Variants in DISC1 observed in about 807,000 individuals in gnomAD.
DISC1 encodes DISC1 scaffold protein.
DISC1 carries 57 observed loss-of-function variants against 84.5 expected under a neutral mutation model. The observed-to-expected ratio is 0.67, with a 90% CI of 0.55 to 0.84. The LOEUF is 0.84. Among genes scored for constraint, DISC1 ranks in the 40% least tolerant of loss-of-function variants. DISC1 has a pLI of 0.00. For synonymous variants in DISC1, 411 were observed against 415.2 expected (o/e 0.99, Z 0.12); for missense variants, 1,000 against 1,057.8 (o/e 0.95, Z 0.76).
In DISC1 at chr1:231,949,163, C is replaced by T. The variant is rs182040414; in HGVS notation, c.1982-9665C>T. Among the ~76,000 whole-genome samples, 155 of 152,236 alleles carry T rather than the reference C, an allele frequency of 1.0e-3. 3 individuals carry two copies. Among genetic ancestry groups the T allele is most frequent in the African/African-American group, 3.6e-3 (151 of 41,544 alleles). ...GATTACAGGCGTGAGCCACCGTGCCCGGCCTTCCTGTGTTAATTTTTTACA... is the reference window on the plus strand; with the variant it reads ...GATTACAGGCGTGAGCCACCGTGCCTGGCCTTCCTGTGTTAATTTTTTACA... On this transcript the variant is annotated intron_variant, in intron 9 of 12. Transcript: ENST00000439617.
intron 12 of DISC1, among the ~76,000 whole-genome samples, chr1:232,033,835 A>G (rs1256438619): frequency 6.6e-6 from 1 of 152,234 alleles, no homozygotes; most frequent in Non-Finnish European, 1.5e-5. Flanking sequence ...ATATCACAGA[A>G]GTATGGAAAA....
intron 9 of DISC1, among the ~76,000 whole-genome samples, chr1:231,886,779 C>T (rs1475810107): frequency 3.8e-5 from 4 of 106,288 alleles, no homozygotes; most frequent in African/African-American, 1.4e-4. Context: ...TTCTTTCTTT[C>T]TTTCTTTCTT....
At chr1:231,655,068 C>A (rs1019197061) in intron 1 of DISC1, among the ~76,000 whole-genome samples, 1 of 152,156 alleles carries the variant, frequency 6.6e-6, no homozygotes, top group Non-Finnish European at 1.5e-5. Context: ...GGACTCTATT[C>A]CCTTTCATTT....
At position 231,816,939 on chromosome 1, in the gene DISC1, C is replaced by T. The variant is rs74431197; in HGVS notation, c.1793-1390C>T. On this transcript the variant is annotated intron_variant, in intron 8 of 12. Transcript: ENST00000439617. ...CTTCTCCTTCCTTCCCTCCCTCCCT[C>T]TTTCACCTCCTCCTCCTCCTTCTTC... Among the ~76,000 whole-genome samples, 81 of 152,074 alleles carry T rather than the reference C, an allele frequency of 5.3e-4. No individual in the cohort carries two copies. The East Asian group carries it at 0.014, about 27-fold the overall frequency.
In DISC1 at chr1:232,039,023, T is replaced by C. The variant is rs1209101851; in HGVS notation, c.*2192T>C. ...CAATATGTGAATGTGCTGATTGTGT[T>C]CCCTATGGCTTTATCTCGAGCAAAA... On this transcript the variant is annotated 3_prime_UTR_variant, in exon 13 of 13. Coordinates refer to ENST00000439617, the MANE Select transcript of DISC1 (RefSeq NM_018662.3). 2 of 152,232 alleles carry C rather than the reference T, an allele frequency of 1.3e-5. No homozygotes were observed. The highest frequency in any genetic ancestry group is 1.3e-4 in the Admixed American group (2 of 15,292). 9.4% of individuals were successfully genotyped at this position (152,232 alleles called of 1,614,324 possible).
At chr1:232,001,203 T>A (rs2102964308) in intron 10 of DISC1, among the ~76,000 whole-genome samples, 1 of 152,268 alleles carries the variant, frequency 6.6e-6, no homozygotes, top group East Asian at 1.9e-4. Context: ...CTCAGCCTCC[T>A]GAGTAGCTGG....
intron 3 of DISC1, among the ~76,000 whole-genome samples, chr1:231,713,781 T>G (rs955160086): frequency 7.0e-5 from 10 of 143,822 alleles, no homozygotes; most frequent in Admixed American, 4.2e-4. Context: ...ATATAGGAGA[T>G]ATATATATAG....
chr1:231,884,432 C>CT (rs1473452206), intron 9 of DISC1, among the ~76,000 whole-genome samples: 2 of 152,216 alleles, frequency 1.3e-5, no homozygotes, highest in East Asian at 1.9e-4. Flanking sequence ...TGATTTCCTT[C>CT]TTTTTTTGTG....
At position 231,738,947 on chromosome 1, in the gene DISC1, A is replaced by G. The variant is rs577325578; in HGVS notation, c.1118-10979A>G. ...CTTCTTAATTTTTTTGTACAACAGG[A>G]TGCTGTAGACACATCTGTACTGCCC... On this transcript the variant is annotated intron_variant, in intron 3 of 12. Transcript: ENST00000439617. Among the ~76,000 whole-genome samples the G allele has an allele frequency of 4.6e-5, 7 of 152,226 alleles. No homozygotes were observed. In the South Asian group the frequency reaches 6.2e-4, roughly 14 times the overall value.
chr1:231,679,004 C>A (rs1273641565), intron 1 of DISC1, among the ~76,000 whole-genome samples: 1 of 152,306 alleles, frequency 6.6e-6, no homozygotes, highest in South Asian at 2.1e-4. Context: ...ATAGTCTTGT[C>A]ATTCCTGGGA....
In DISC1 at chr1:231,873,263, G is replaced by C. The variant is rs199564547; in HGVS notation, c.1981+54746G>C. Among the ~76,000 whole-genome samples the C allele has an allele frequency of 2.6e-5, 4 of 152,314 alleles. No individual in the cohort carries two copies. The South Asian group carries it at 8.3e-4, about 32-fold the overall frequency. ...GGGAGTCTTTCCCATTAGTGCCCCG[G>C]TAAGAGAGGCACAAGAGGATCATGC... is the stretch of plus-strand genomic sequence containing the variant. On this transcript the variant is annotated intron_variant, in intron 9 of 12. Coordinates refer to ENST00000439617, the MANE Select transcript of DISC1 (RefSeq NM_018662.3).
Position 231,649,065 on chromosome 1 carries a change from G to T in DISC1, c.67+22131G>T, listed in dbSNP as rs537442788. ...TTTTGTCTCTATCTCCTTCAGTTCT[G>T]CTCTGATCTTAGTTATTTCTTGCCT... is the stretch of plus-strand genomic sequence containing the variant. On this transcript the variant is annotated intron_variant, in intron 1 of 12. Coordinates refer to ENST00000439617, the MANE Select transcript of DISC1 (RefSeq NM_018662.3). 1.1e-3 allele frequency among the ~76,000 whole-genome samples: 174 copies of T among 152,128 alleles called. 3 individuals are homozygous for T. The highest frequency in any genetic ancestry group is 4.0e-3 in the African/African-American group (166 of 41,492).
chr1:231,881,613 G>A (rs2086294863), intron 9 of DISC1, among the ~76,000 whole-genome samples: 2 of 152,042 alleles, frequency 1.3e-5, no homozygotes, highest in South Asian at 2.1e-4. Context: ...TATGGAGGGG[G>A]GCACATAATT....
At position 231,761,235 on chromosome 1, in the gene DISC1, G is replaced by A. The variant is rs552808789; in HGVS notation, c.1269-5905G>A. 1.9e-4 allele frequency among the ~76,000 whole-genome samples: 29 copies of A among 152,252 alleles called. 1 individual carries two copies. On this transcript the variant is annotated intron_variant, in intron 4 of 12. Coordinates refer to ENST00000439617, the MANE Select transcript of DISC1 (RefSeq NM_018662.3). ...GCTGTTCTAACATTCTACCCTGCATGTTTTTATTTCTTGCCCCTGAGGGAT... is the reference window on the plus strand; with the variant it reads ...GCTGTTCTAACATTCTACCCTGCATATTTTTATTTCTTGCCCCTGAGGGAT...
intron 6 of DISC1, among the ~76,000 whole-genome samples, chr1:231,786,376 C>T (rs796401491): frequency 6.6e-6 from 1 of 152,094 alleles, no homozygotes; most frequent in Non-Finnish European, 1.5e-5. Flanking sequence ...CTCTAAGTGT[C>T]GTTAATATTC....
At chr1:231,906,321 C>G (rs1338735628) in intron 9 of DISC1, among the ~76,000 whole-genome samples, 2 of 152,124 alleles carry the variant, frequency 1.3e-5, no homozygotes, top group Non-Finnish European at 1.5e-5. Flanking sequence ...CATGCCCGGT[C>G]AAGGGCATGG....
rs78896097 is a variant in DISC1 at position 231,636,628 on chromosome 1, G to A, written c.67+9694G>A. Among the ~76,000 whole-genome samples, 1,065 of 152,044 alleles carry A rather than the reference G, an allele frequency of 7.0e-3. 8 individuals carry two copies. Among genetic ancestry groups the A allele is most frequent in the Non-Finnish European group, 0.012 (842 of 67,986 alleles). On this transcript the variant is annotated intron_variant, in intron 1 of 12. Transcript: ENST00000439617. ...TTGAAACTTTTTTTGAAAAGCATAA[G>A]GTAATACATGATAAAAGATATTGTT... is the stretch of plus-strand genomic sequence containing the variant.
At chr1:232,005,549 T>G (rs1667316563) in intron 10 of DISC1, among the ~76,000 whole-genome samples, 1 of 152,154 alleles carries the variant, frequency 6.6e-6, no homozygotes. Context: ...CTATTTTGAG[T>G]TGTAGTGTTT....
rs1017344775 is a variant in DISC1, at chr1:231,626,794, T to C, written c.-74T>C. 4 of 1,160,070 alleles carry C rather than the reference T, an allele frequency of 3.4e-6. No individual in the cohort carries two copies. Among genetic ancestry groups the C allele is most frequent in the Admixed American group, 3.8e-5 (1 of 26,344 alleles). The allele number at this position is 1,160,070 out of a possible 1,614,324, so 71.9% of individuals were successfully genotyped here. A position where few individuals can be genotyped will look rare whatever the true frequency, so the allele number is the denominator to read the frequency against. ...CTTCCCGTCCAGCGCGCTGCTCCCT[T>C]CCCCCCGCCTCTGGCCTCGGGGAAG... is the stretch of plus-strand genomic sequence containing the variant. On this transcript the variant is annotated 5_prime_UTR_variant, in exon 1 of 13. Transcript: ENST00000439617.
Sources: gnomAD v4.1 joint callset for allele counts (sites outside exome capture counted in the v4.1 genomes callset) on GRCh38, gnomAD v4.1.1 for gene constraint, MANE v1.5 for transcripts, NCBI Gene and HGNC (gene_info 2026-07-23, HGNC 2026-07-21) for gene names.